The following GPC6 variants were observed in gnomAD, a reference collection of about 807,000 sequenced individuals.
GPC6 encodes glypican-6.
A neutral mutation model predicts 55.2 loss-of-function variants in GPC6; 14 were observed. That is an observed-to-expected ratio of 0.25 (90% confidence interval 0.17 to 0.40). GPC6 has a LOEUF of 0.40. GPC6 is among the 10% of genes least tolerant of loss of function. The probability of loss-of-function intolerance (pLI) is 1.00; values close to 1 mark genes in which losing one functional copy is unlikely to be tolerated. For missense variants in GPC6, 641 were observed against 708.5 expected, an observed-to-expected ratio of 0.90 and a Z score of 1.08; for synonymous variants, 278 against 259.6, an observed-to-expected ratio of 1.07 and a Z score of -0.68.
chr13:93,351,333 CAACATTTTGGA>C (rs1210312003), intron 1 of GPC6, among the ~76,000 whole-genome samples: 2 of 151,812 alleles, frequency 1.3e-5, no homozygotes, highest in African/African-American at 4.8e-5. Flanking sequence ...ATGTGTAGGG[CAACATTTTGGA>C]AACATTTTGC....
At chr13:94,396,211 G>A (rs994239036) in intron 7 of GPC6, among the ~76,000 whole-genome samples, 4 of 152,230 alleles carry the variant, frequency 2.6e-5, no homozygotes, top group African/African-American at 7.2e-5. Context: ...TATAAATAGC[G>A]TCTTCTTTAA....
chr13:93,483,797 G>A (rs551343530), intron 1 of GPC6, among the ~76,000 whole-genome samples: 3 of 152,098 alleles, frequency 2.0e-5, no homozygotes, highest in Non-Finnish European at 4.4e-5. Context: ...TTAGCCCACA[G>A]AGTGTTGTTT....
Position 93,993,295 on chromosome 13 carries a change from C to CTTTT in GPC6, c.712-34422_712-34419dup, listed in dbSNP as rs545224527. Among the ~76,000 whole-genome samples, 28 of 139,870 alleles carry CTTTT rather than the reference C, an allele frequency of 2.0e-4. 1 individual carries two copies. The highest frequency in any genetic ancestry group is 4.9e-4 in the African/African-American group (19 of 38,438). The allele number at this position is 139,870 out of a possible 152,430, so 91.8% of individuals were successfully genotyped here. A position where few individuals can be genotyped will look rare whatever the true frequency, so the allele number is the denominator to read the frequency against. On this transcript the variant is annotated intron_variant, in intron 3 of 8. Coordinates refer to ENST00000377047, the MANE Select transcript of GPC6 (RefSeq NM_005708.5). ...TCTAATTCATGAGCATTCTTTCTTT[C>CTTTT]TTTTTTTTTTTTTTTGAAATGGAGT...
At chr13:93,846,221 C>A (rs1049023354) in intron 3 of GPC6, among the ~76,000 whole-genome samples, 1 of 152,134 alleles carries the variant, frequency 6.6e-6, no homozygotes, top group Non-Finnish European at 1.5e-5. Context: ...TATGAAAATT[C>A]TCTTCCTGTT....
intron 4 of GPC6, among the ~76,000 whole-genome samples, chr13:94,247,514 G>A (rs1566589844): frequency 1.3e-5 from 2 of 151,990 alleles, no homozygotes; most frequent in African/African-American, 4.8e-5. Flanking sequence ...TAATGTCAAG[G>A]AACTTTTCTT....
At chr13:93,549,523 C>T (rs1399909663) in intron 2 of GPC6, among the ~76,000 whole-genome samples, 1 of 152,108 alleles carries the variant, frequency 6.6e-6, no homozygotes, top group Non-Finnish European at 1.5e-5. Flanking sequence ...AGTGCAGTCA[C>T]GCAGATGTTA....
chr13:94,211,329 C>G (rs566773260), intron 4 of GPC6, among the ~76,000 whole-genome samples: 2 of 152,170 alleles, frequency 1.3e-5, no homozygotes, highest in East Asian at 3.9e-4. Context: ...GATACAATAA[C>G]TAAGATTAAG....
chr13:94,234,423 C>A (rs964870240), intron 4 of GPC6, among the ~76,000 whole-genome samples: 2 of 151,532 alleles, frequency 1.3e-5, no homozygotes, highest in African/African-American at 4.8e-5. Flanking sequence ...TGTTTCTTTT[C>A]TACATGTAAT....
intron 1 of GPC6, among the ~76,000 whole-genome samples, chr13:93,398,262 T>G (rs1875938084): frequency 6.6e-6 from 1 of 152,184 alleles, no homozygotes; most frequent in Non-Finnish European, 1.5e-5. Flanking sequence ...TCACAGTCTC[T>G]CCCATTAAGC....
chr13:93,612,972 T>G (rs907578920), intron 2 of GPC6, among the ~76,000 whole-genome samples: 1 of 152,206 alleles, frequency 6.6e-6, no homozygotes, highest in African/African-American at 2.4e-5. Flanking sequence ...ACTGTTATGC[T>G]GGAATTCATT....
At chr13:93,722,157 A>T (rs1338310894) in intron 2 of GPC6, among the ~76,000 whole-genome samples, 1 of 151,788 alleles carries the variant, frequency 6.6e-6, no homozygotes, top group African/African-American at 2.4e-5. Context: ...ATTAAGGGAT[A>T]ATATTAATGT....
intron 2 of GPC6, among the ~76,000 whole-genome samples, chr13:93,713,871 G>T (rs1883156235): frequency 6.6e-6 from 1 of 151,368 alleles, no homozygotes; most frequent in Non-Finnish European, 1.5e-5. Context: ...GCATTAAAAA[G>T]GCAGGATCTC....
chr13:93,965,456 C>T (rs990895310), intron 3 of GPC6, among the ~76,000 whole-genome samples: 3 of 152,006 alleles, frequency 2.0e-5, no homozygotes, highest in East Asian at 3.9e-4. Flanking sequence ...GCAATTCATT[C>T]GGTCAAGAGG....
At chr13:93,475,487 A>C (rs1879269692) in intron 1 of GPC6, among the ~76,000 whole-genome samples, 1 of 152,196 alleles carries the variant, frequency 6.6e-6, no homozygotes, top group African/African-American at 2.4e-5. Flanking sequence ...GAAAATAATA[A>C]AACTTTCTAT....
At chr13:93,543,827 G>T (rs1326018040) in intron 1 of GPC6, among the ~76,000 whole-genome samples, 1 of 152,098 alleles carries the variant, frequency 6.6e-6, no homozygotes, top group African/African-American at 2.4e-5. Flanking sequence ...CTTCTCTTCA[G>T]ATAAATGTCC....
chr13:93,975,440 T>C (rs1880473468), intron 3 of GPC6, among the ~76,000 whole-genome samples: 2 of 152,140 alleles, frequency 1.3e-5, no homozygotes, highest in Admixed American at 1.3e-4. Context: ...AAGTTATTCA[T>C]GAATGATGAG....
At chr13:93,871,602 A>G (rs1216897371) in intron 3 of GPC6, among the ~76,000 whole-genome samples, 2 of 151,990 alleles carry the variant, frequency 1.3e-5, no homozygotes, top group Non-Finnish European at 1.5e-5. Flanking sequence ...TCTTTTTTCC[A>G]ACGTCTCTCA....
At chr13:93,676,190 C>T (rs1289719957) in intron 2 of GPC6, among the ~76,000 whole-genome samples, 3 of 75,190 alleles carry the variant, frequency 4.0e-5, no homozygotes, top group East Asian at 2.6e-4. Flanking sequence ...CACACACACA[C>T]ATATATATGT....
intron 1 of GPC6, among the ~76,000 whole-genome samples, chr13:93,488,906 C>G (rs1043860489): frequency 6.6e-6 from 1 of 152,078 alleles, no homozygotes; most frequent in African/African-American, 2.4e-5. Flanking sequence ...AAAATTTTCT[C>G]CCATTCTATA....
Sources: gnomAD v4.1 joint callset for allele counts (sites outside exome capture counted in the v4.1 genomes callset) on GRCh38, gnomAD v4.1.1 for gene constraint, MANE v1.5 for transcripts, NCBI Gene and HGNC (gene_info 2026-07-23, HGNC 2026-07-21) for gene names.